The following LRRTM4 variants were observed in gnomAD, a reference collection of about 807,000 sequenced individuals.
LRRTM4 encodes leucine-rich repeat transmembrane neuronal protein 4.
A neutral mutation model predicts 47.6 loss-of-function variants in LRRTM4; 25 were observed. The observed-to-expected ratio is 0.53, with a 90% CI of 0.38 to 0.73. LRRTM4 has a LOEUF of 0.73. Ranked by LOEUF, LRRTM4 falls within the 30% of genes least tolerant of loss-of-function variation. The pLI is 0.00. For synonymous variants in LRRTM4, 311 were observed against 269.5 expected, an observed-to-expected ratio of 1.15 and a Z score of -1.51; for missense variants, 638 against 713.4, an observed-to-expected ratio of 0.89 and a Z score of 1.20.
chr2:77,296,378 C>T (rs999893561), intron 3 of LRRTM4, among the ~76,000 whole-genome samples: 4 of 151,968 alleles, frequency 2.6e-5, no homozygotes, highest in African/African-American at 4.8e-5. Flanking sequence ...ATAGCATCTT[C>T]GATTTTTTTG....
chr2:77,084,444 G>A (rs1226399768), intron 3 of LRRTM4, among the ~76,000 whole-genome samples: 2 of 152,258 alleles, frequency 1.3e-5, no homozygotes, highest in South Asian at 4.1e-4. Context: ...CTCTTGTTTA[G>A]CTATGTTTAC....
At chr2:77,011,413 G>C (rs975575078) in intron 3 of LRRTM4, among the ~76,000 whole-genome samples, 1 of 151,992 alleles carries the variant, frequency 6.6e-6, no homozygotes, top group African/African-American at 2.4e-5. Context: ...ATTGGGATTA[G>C]ATTTTACACC....
chr2:76,843,946 G>GC (rs1407995483), intron 3 of LRRTM4, among the ~76,000 whole-genome samples: 1 of 141,588 alleles, frequency 7.1e-6, no homozygotes, highest in Non-Finnish European at 1.5e-5. Context: ...CTCATGCCCA[G>GC]ACTGGAGTGC....
At chr2:76,929,534 T>A (rs963871424) in intron 3 of LRRTM4, among the ~76,000 whole-genome samples, 12 of 152,228 alleles carry the variant, frequency 7.9e-5, no homozygotes, top group African/African-American at 2.7e-4. Context: ...TAGCTTTTTT[T>A]AACTTCGGTT....
chr2:77,035,459 T>C (rs1269289506), intron 3 of LRRTM4, among the ~76,000 whole-genome samples: 1 of 151,858 alleles, frequency 6.6e-6, no homozygotes, highest in South Asian at 2.1e-4. Context: ...TTTTCTCACA[T>C]TCCCCACACC....
chr2:76,801,761 AG>A (rs1675700637), intron 3 of LRRTM4, among the ~76,000 whole-genome samples: 1 of 152,208 alleles, frequency 6.6e-6, no homozygotes, highest in Non-Finnish European at 1.5e-5. Context: ...GCACATTAAA[AG>A]GATCATTCAC....
At chr2:77,128,687 TGGAGTGCAATGGCGTGATCTC>T (rs1366859703) in intron 3 of LRRTM4, among the ~76,000 whole-genome samples, 25 of 152,326 alleles carry the variant, frequency 1.6e-4, no homozygotes, top group African/African-American at 5.8e-4. Context: ...GGCTGGAGGC[TGGAGTGCAATGGCGTGATCTC>T]AGCTTGCTGC....
intron 3 of LRRTM4, among the ~76,000 whole-genome samples, chr2:77,090,763 C>T (rs1264567277): frequency 2.6e-5 from 4 of 152,180 alleles, no homozygotes; most frequent in African/African-American, 9.7e-5. Context: ...GTTCAACTTA[C>T]CTGGCAGCCA....
chr2:77,135,197 G>A (rs1671901518), intron 3 of LRRTM4, among the ~76,000 whole-genome samples: 1 of 152,180 alleles, frequency 6.6e-6, no homozygotes, highest in Non-Finnish European at 1.5e-5. Context: ...GCCAAGATGT[G>A]AGGCTTACAT....
intron 3 of LRRTM4, among the ~76,000 whole-genome samples, chr2:76,784,086 C>G (rs1309273409): frequency 6.6e-6 from 1 of 151,894 alleles, no homozygotes; most frequent in African/African-American, 2.4e-5. Context: ...GTATTTTGAG[C>G]TAAAACAATC....
At chr2:77,292,708 G>C (rs1234771759) in intron 3 of LRRTM4, among the ~76,000 whole-genome samples, 1 of 108,160 alleles carries the variant, frequency 9.2e-6, no homozygotes, top group South Asian at 3.7e-4. Flanking sequence ...GGGGTGGGGG[G>C]AGGGGGGAGG....
At chr2:77,071,785 A>G (rs1680162105) in intron 3 of LRRTM4, among the ~76,000 whole-genome samples, 1 of 152,210 alleles carries the variant, frequency 6.6e-6, no homozygotes, top group African/African-American at 2.4e-5. Flanking sequence ...GCAAAATTCA[A>G]GAATATACAG....
intron 3 of LRRTM4, among the ~76,000 whole-genome samples, chr2:77,291,765 G>A (rs1676829508): frequency 6.6e-6 from 1 of 151,890 alleles, no homozygotes; most frequent in South Asian, 2.1e-4. Flanking sequence ...CAAAAATTAT[G>A]TCCCATTTGA....
intron 3 of LRRTM4, among the ~76,000 whole-genome samples, chr2:77,507,008 T>A (rs143285066): frequency 0.016 from 2,463 of 152,188 alleles, 72 homozygotes; most frequent in African/African-American, 0.056. Flanking sequence ...ATAGAATTTA[T>A]GTTCCAGAAT....
intron 3 of LRRTM4, among the ~76,000 whole-genome samples, chr2:77,026,604 T>C (rs1016924249): frequency 1.3e-5 from 2 of 152,098 alleles, no homozygotes; most frequent in Non-Finnish European, 2.9e-5. Context: ...TTTTATACCA[T>C]ATTTAATTAT....
chr2:76,995,977 G>A (rs2104007090), intron 3 of LRRTM4, among the ~76,000 whole-genome samples: 1 of 152,130 alleles, frequency 6.6e-6, no homozygotes, highest in South Asian at 2.1e-4. Flanking sequence ...AAGGTATGCA[G>A]ATAATGTAGT....
intron 3 of LRRTM4, among the ~76,000 whole-genome samples, chr2:76,844,712 C>T (rs1671789394): frequency 6.6e-6 from 1 of 152,070 alleles, no homozygotes; most frequent in Non-Finnish European, 1.5e-5. Context: ...GTCTGTTAAT[C>T]CCCTCTTCTG....
intron 3 of LRRTM4, among the ~76,000 whole-genome samples, chr2:76,771,329 A>G (rs576275984): frequency 6.6e-6 from 1 of 152,358 alleles, no homozygotes; most frequent in South Asian, 2.1e-4. Context: ...GTGAGATTTA[A>G]TGCAGCAGGA....
chr2:76,843,931 G>A, intron 3 of LRRTM4, among the ~76,000 whole-genome samples: 1 of 132,174 alleles, frequency 7.6e-6, no homozygotes. Flanking sequence ...TTTTTGAGAT[G>A]GAGTCTCATG....
Sources: gnomAD v4.1 joint callset for allele counts (sites outside exome capture counted in the v4.1 genomes callset) on GRCh38, gnomAD v4.1.1 for gene constraint, MANE v1.5 for transcripts, NCBI Gene and HGNC (gene_info 2026-07-23, HGNC 2026-07-21) for gene names.